The following DDR2 variants were observed in gnomAD, a reference collection of about 807,000 sequenced individuals.
The protein encoded by DDR2 is discoidin domain-containing receptor 2.
Under a neutral mutation model 94.9 loss-of-function variants are expected in DDR2, and 27 were observed. That is an observed-to-expected ratio of 0.28 (90% CI 0.21 to 0.39). The LOEUF (loss-of-function observed/expected upper bound fraction) is 0.39. Among genes scored for constraint, DDR2 ranks in the 10% least tolerant of loss-of-function variants. The pLI is 1.00. For missense variants in DDR2, 783 were observed against 1,076.0 expected (o/e 0.73, Z 3.81); for synonymous variants, 382 against 377.2 (o/e 1.01, Z -0.15).
chr1:162,674,076 T>C (rs1214153073), intron 2 of DDR2, among the ~76,000 whole-genome samples: 1 of 152,180 alleles, frequency 6.6e-6, no homozygotes, highest in Non-Finnish European at 1.5e-5. Context: ...TTATTTCTAC[T>C]TGGATGATTT....
chr1:162,748,297 TGGAGGAA>T (rs1662988835), intron 3 of DDR2, among the ~76,000 whole-genome samples: 1 of 152,088 alleles, frequency 6.6e-6, no homozygotes, highest in African/African-American at 2.4e-5. Flanking sequence ...AATAAAGGGA[TGGAGGAA>T]GATCCACCAA....
chr1:162,725,672 C>G (rs1216687405), intron 3 of DDR2, among the ~76,000 whole-genome samples: 2 of 152,186 alleles, frequency 1.3e-5, no homozygotes, highest in East Asian at 1.9e-4. Flanking sequence ...CAAGCATGCT[C>G]TTGACCTCTG....
rs765780549 is a variant in DDR2, at chr1:162,755,788, T to C, written c.671+19T>C. ...GATACAGGTAAATCCTGGGAAACTT[T>C]ATTAGAATGGGAAATTGGCCACTAA... On this transcript the variant is annotated intron_variant, in intron 7 of 17. Transcript: ENST00000367921. The C allele has an allele frequency of 1.2e-6, 2 of 1,602,224 alleles. No homozygotes were observed. The highest frequency in any genetic ancestry group is 1.7e-6 in the Non-Finnish European group (2 of 1,169,186).
intron 15 of DDR2, 102 bp from the exon 16 acceptor site, chr1:162,776,034 T>C: frequency 1.5e-6 from 2 of 1,333,466 alleles, no homozygotes; most frequent in Non-Finnish European, 2.1e-6. Context: ...GAAAGAATGT[T>C]GAGCTTTCAA....
intron 1 of DDR2, among the ~76,000 whole-genome samples, chr1:162,652,177 G>A (rs530264142): frequency 3.9e-5 from 6 of 152,326 alleles, no homozygotes; most frequent in African/African-American, 1.4e-4. Context: ...GGATGTAATT[G>A]CAGGTGCTGG....
intron 3 of DDR2, among the ~76,000 whole-genome samples, chr1:162,730,799 C>G (rs1662002473): frequency 6.6e-6 from 1 of 152,190 alleles, no homozygotes; most frequent in South Asian, 2.1e-4. Flanking sequence ...GAGGGCTTCT[C>G]CTTACATTCC....
At chr1:162,673,608 TGAGA>T (rs10684469) in intron 2 of DDR2, among the ~76,000 whole-genome samples, 3,843 of 116,988 alleles carry the variant, frequency 0.033, 54 homozygotes, top group African/African-American at 0.038. Flanking sequence ...TGTGTGTGTG[TGAGA>T]GAGAGAGAGA....
At chr1:162,755,881 T>G in intron 7 of DDR2, 112 bp downstream of exon 7, 1 of 930,614 alleles carries the variant, frequency 1.1e-6, no homozygotes, top group African/African-American at 1.6e-5. Flanking sequence ...TATTTAGTTC[T>G]TGTACAAGGC....
rs769174800 is a variant in DDR2 at position 162,753,081 on chromosome 1, T to C, written c.83-14T>C. The C allele has an allele frequency of 1.9e-6, 3 of 1,610,028 alleles. No homozygotes were observed. The highest frequency in any genetic ancestry group is 2.5e-6 in the Non-Finnish European group (3 of 1,176,738). On this transcript the variant is annotated splice_polypyrimidine_tract_variant and intron_variant, in intron 3 of 17. Transcript: ENST00000367921. ...CCATGTCCTCTCTTTTCTCTTTGGT[T>C]TCTCTTGGTCTAGCTATATGCCGCT...
At chr1:162,751,855 G>C (rs1002529883) in intron 3 of DDR2, among the ~76,000 whole-genome samples, 7 of 152,206 alleles carry the variant, frequency 4.6e-5, no homozygotes, top group Admixed American at 3.9e-4. Context: ...TAGGGACATG[G>C]ATAAAGATAG....
chr1:162,740,665 A>G (rs1662544091), intron 3 of DDR2, among the ~76,000 whole-genome samples: 1 of 152,104 alleles, frequency 6.6e-6, no homozygotes, highest in Admixed American at 6.5e-5. Context: ...TATTTGCTTT[A>G]TTGGCTGTTT....
At chr1:162,644,184 C>T (rs1241744254) in intron 1 of DDR2, among the ~76,000 whole-genome samples, 2 of 152,088 alleles carry the variant, frequency 1.3e-5, no homozygotes, top group South Asian at 2.1e-4. Flanking sequence ...AATGTTCTTA[C>T]ATTCTTAAAA....
chr1:162,780,051 C>T (rs1484471358), intron 17 of DDR2, 61 bp from the exon 18 acceptor site: 1 of 1,609,354 alleles, frequency 6.2e-7, no homozygotes, highest in Non-Finnish European at 8.5e-7. Flanking sequence ...TCCCTTTCCC[C>T]CGTCTTTGTA....
At chr1:162,770,247 G>A in intron 11 of DDR2, 55 bp from the exon 12 acceptor site, 2 of 1,532,176 alleles carry the variant, frequency 1.3e-6, no homozygotes, top group South Asian at 1.1e-5. Flanking sequence ...AGAAGAGGAG[G>A]CATTGACCAT....
chr1:162,697,727 C>T (rs1319791975), intron 2 of DDR2, among the ~76,000 whole-genome samples: 1 of 152,164 alleles, frequency 6.6e-6, no homozygotes, highest in East Asian at 1.9e-4. Context: ...TAGGTATTAA[C>T]TTATTGAGTC....
chr1:162,640,854 C>T (rs1010443307), intron 1 of DDR2, among the ~76,000 whole-genome samples: 3 of 150,300 alleles, frequency 2.0e-5, no homozygotes, highest in East Asian at 1.9e-4. Context: ...CATTTTTGTT[C>T]GTTTGTGATC....
At chr1:162,730,149 T>A (rs1361915681) in intron 3 of DDR2, among the ~76,000 whole-genome samples, 1 of 149,314 alleles carries the variant, frequency 6.7e-6, no homozygotes, top group Admixed American at 6.7e-5. Flanking sequence ...AGGAATATCA[T>A]CCCTTTAAAT....
intron 3 of DDR2, among the ~76,000 whole-genome samples, chr1:162,739,908 A>G (rs1025759833): frequency 3.3e-5 from 5 of 152,050 alleles, no homozygotes; most frequent in African/African-American, 1.2e-4. Context: ...CAGGGTATTG[A>G]AGGAGTCAAG....
At chr1:162,762,176 T>C (rs1027913249) in intron 9 of DDR2, among the ~76,000 whole-genome samples, 2 of 152,214 alleles carry the variant, frequency 1.3e-5, no homozygotes, top group Non-Finnish European at 2.9e-5. Flanking sequence ...TGTGTCTCTT[T>C]TAATCTAAAA....
Sources: gnomAD v4.1 joint callset for allele counts (sites outside exome capture counted in the v4.1 genomes callset) on GRCh38, gnomAD v4.1.1 for gene constraint, MANE v1.5 for transcripts, NCBI Gene and HGNC (gene_info 2026-07-23, HGNC 2026-07-21) for gene names.